The following SORCS2 variants were observed in gnomAD, a reference collection of about 807,000 sequenced individuals.
The protein encoded by SORCS2 is sortilin related VPS10 domain containing receptor 2, also known as VPS10 domain-containing receptor SorCS2.
Under a neutral mutation model 141.6 loss-of-function variants are expected in SORCS2, and 100 were observed. The ratio of observed to expected loss-of-function variants is 0.71; its 90% CI spans 0.60 to 0.83. The LOEUF (loss-of-function observed/expected upper bound fraction) is 0.83. Among genes scored for constraint, SORCS2 ranks in the 40% least tolerant of loss-of-function variants. The probability of loss-of-function intolerance (pLI) is 0.00; values close to 1 mark genes in which losing one functional copy is unlikely to be tolerated. For synonymous variants in SORCS2, 789 were observed against 676.9 expected, an observed-to-expected ratio of 1.17 and a Z score of -2.57; for missense variants, 1,646 against 1,560.2, an observed-to-expected ratio of 1.05 and a Z score of -0.93.
intron 1 of SORCS2, among the ~76,000 whole-genome samples, chr4:7,218,257 G>A (rs551571072): frequency 6.6e-6 from 1 of 152,344 alleles, no homozygotes; most frequent in South Asian, 2.1e-4. Flanking sequence ...CATCCAGGCA[G>A]TTGTCACCTC....
intron 2 of SORCS2, among the ~76,000 whole-genome samples, chr4:7,506,159 A>G (rs946964775): frequency 5.3e-5 from 8 of 152,290 alleles, no homozygotes; most frequent in African/African-American, 1.7e-4. Flanking sequence ...TGACAGCCAC[A>G]GCGTCCTGTG....
chr4:7,525,228 A>G (rs1289767575), intron 2 of SORCS2, among the ~76,000 whole-genome samples: 3 of 152,144 alleles, frequency 2.0e-5, no homozygotes, highest in Non-Finnish European at 4.4e-5. Flanking sequence ...TTCTGGGAAG[A>G]ACGGATCCCT....
At chr4:7,402,361 G>A (rs1167476149) in intron 2 of SORCS2, among the ~76,000 whole-genome samples, 3 of 152,254 alleles carry the variant, frequency 2.0e-5, no homozygotes, top group South Asian at 4.1e-4. Flanking sequence ...ACATCATAAT[G>A]TATCTTGATT....
chr4:7,522,042 GGA>G (rs1560352840), intron 2 of SORCS2, among the ~76,000 whole-genome samples: 1 of 152,222 alleles, frequency 6.6e-6, no homozygotes, highest in African/African-American at 2.4e-5. Context: ...ACACACCTCT[GGA>G]ATCCTCAGGA....
intron 1 of SORCS2, among the ~76,000 whole-genome samples, chr4:7,394,830 T>G (rs1724103401): frequency 6.6e-6 from 1 of 152,114 alleles, no homozygotes; most frequent in African/African-American, 2.4e-5. Context: ...TGGATCTCAC[T>G]GCTCCAAGAT....
intron 1 of SORCS2, among the ~76,000 whole-genome samples, chr4:7,356,258 T>C (rs1244164418): frequency 6.6e-6 from 1 of 152,234 alleles, no homozygotes; most frequent in Non-Finnish European, 1.5e-5. Flanking sequence ...GCTGCCTTAT[T>C]CGGTTTGTTT....
At position 7,712,792 on chromosome 4, in the gene SORCS2, C is replaced by T; in HGVS notation, c.1928C>T (p.Pro643Leu). 6.2e-7 allele frequency: 1 copy of T among 1,613,896 alleles called. No individual in the cohort carries two copies. Among genetic ancestry groups the T allele is most frequent in the Non-Finnish European group, 8.5e-7 (1 of 1,179,806 alleles). Residue 643 changes from proline (P) to leucine (L), a missense_variant, in exon 15 of 27, where the codon CCC (proline) becomes CTC (leucine). Transcript: ENST00000507866. ...DWELVKVDFR[P>L]SFSRQCGEED... ...GAGCTGGTCAAGGTGGACTTCCGGC[C>T]CTCATTCTCCAGGCAGTGCGGCGAG...
intron 1 of SORCS2, among the ~76,000 whole-genome samples, chr4:7,210,841 C>T (rs1728020705): frequency 6.6e-6 from 1 of 152,234 alleles, no homozygotes; most frequent in Non-Finnish European, 1.5e-5. Context: ...CATCCATCAC[C>T]TACCAACCCC....
At chr4:7,738,156 A>G (rs1427076522) in intron 26 of SORCS2, among the ~76,000 whole-genome samples, 1 of 152,262 alleles carries the variant, frequency 6.6e-6, no homozygotes, top group African/African-American at 2.4e-5. Context: ...CATCCAGCGC[A>G]ACAGGCACTA....
intron 3 of SORCS2, among the ~76,000 whole-genome samples, chr4:7,612,485 C>G (rs1269411107): frequency 6.6e-6 from 1 of 152,138 alleles, no homozygotes; most frequent in Non-Finnish European, 1.5e-5. Context: ...GCCTGAGTCA[C>G]CGGTAACACT....
At chr4:7,213,992 G>A (rs371577351) in intron 1 of SORCS2, among the ~76,000 whole-genome samples, 25 of 152,314 alleles carry the variant, frequency 1.6e-4, no homozygotes, top group East Asian at 1.2e-3. Context: ...TGGGTCAGCT[G>A]GGAGTGTTTG....
rs372699385 is a variant in SORCS2 at position 7,230,783 on chromosome 4, G to A, written c.480+37657G>A. Among the ~76,000 whole-genome samples the A allele has an allele frequency of 1.2e-4, 18 of 152,076 alleles. No homozygotes were observed. In the East Asian group the frequency reaches 2.7e-3, roughly 23 times the overall value. Reference sequence around the variant, plus strand: ...CAGTGTGATGTGCTCATGTATGATGGAGATGAAGATGGTAAAGTCTTCGAG... The same window carrying A: ...CAGTGTGATGTGCTCATGTATGATGAAGATGAAGATGGTAAAGTCTTCGAG... On this transcript the variant is annotated intron_variant, in intron 1 of 26. Transcript: ENST00000507866.
At position 7,654,116 on chromosome 4, in the gene SORCS2, C is replaced by CT; in HGVS notation, c.814-12dup. On this transcript the variant is annotated splice_polypyrimidine_tract_variant and intron_variant, in intron 4 of 26. Transcript: ENST00000507866. The stretch of plus-strand genomic sequence containing the variant: ...TGACGTCCTGACCAAGCTTTTGTTT[C>CT]TTTTTTCTGCCCTAAAGCTCTACGT... 6.4e-7 allele frequency: 1 copy of CT among 1,561,872 alleles called. No homozygotes were observed. Among genetic ancestry groups the CT allele is most frequent in the East Asian group, 2.4e-5 (1 of 41,838 alleles).
chr4:7,609,836 C>T (rs1433048365), intron 3 of SORCS2, among the ~76,000 whole-genome samples: 1 of 152,224 alleles, frequency 6.6e-6, no homozygotes, highest in Non-Finnish European at 1.5e-5. Flanking sequence ...CAGTGGTCAG[C>T]CCCTCTGCTC....
intron 2 of SORCS2, among the ~76,000 whole-genome samples, chr4:7,480,608 AACAGTTCCACCTGCC>A (rs1337479172): frequency 3.3e-5 from 5 of 152,220 alleles, no homozygotes; most frequent in Non-Finnish European, 2.9e-5. Flanking sequence ...AGAGTGAGGA[AACAGTTCCACCTGCC>A]ACAGTGAAAC....
At chr4:7,224,668 C>T (rs1266234547) in intron 1 of SORCS2, among the ~76,000 whole-genome samples, 1 of 152,188 alleles carries the variant, frequency 6.6e-6, no homozygotes, top group Admixed American at 6.5e-5. Flanking sequence ...CCCCCCAGGC[C>T]CCACCGCCAA....
chr4:7,470,406 C>T (rs1420391359), intron 2 of SORCS2, among the ~76,000 whole-genome samples: 1 of 152,178 alleles, frequency 6.6e-6, no homozygotes, highest in Admixed American at 6.5e-5. Flanking sequence ...TCCATCCATC[C>T]AGCCATCCAG....
chr4:7,511,169 G>C lies in SORCS2; in HGVS notation c.549-20361G>C, dbSNP rs149934643. Reference sequence around the variant, plus strand: ...AGAGACAATGACAGACTACATCCACGCAGAGCCCTCCAAGTCACAGTGAGA... The same window carrying C: ...AGAGACAATGACAGACTACATCCACCCAGAGCCCTCCAAGTCACAGTGAGA... On this transcript the variant is annotated intron_variant, in intron 2 of 26. Coordinates refer to ENST00000507866, the MANE Select transcript of SORCS2 (RefSeq NM_020777.3). 2.0e-5 allele frequency among the ~76,000 whole-genome samples: 3 copies of C among 152,064 alleles called. 1 individual carries two copies. Among genetic ancestry groups the C allele is most frequent in the African/African-American group, 7.2e-5 (3 of 41,380 alleles).
At chr4:7,366,489 C>A (rs963577910) in intron 1 of SORCS2, among the ~76,000 whole-genome samples, 4 of 139,820 alleles carry the variant, frequency 2.9e-5, no homozygotes, top group African/African-American at 1.1e-4. Context: ...CCCTCTCTCC[C>A]CCAACACTCC....
Sources: gnomAD v4.1 joint callset for allele counts (sites outside exome capture counted in the v4.1 genomes callset) on GRCh38, gnomAD v4.1.1 for gene constraint, MANE v1.5 for transcripts, NCBI Gene and HGNC (gene_info 2026-07-23, HGNC 2026-07-21) for gene names.